The following ARHGAP25 variants were observed in gnomAD, a reference collection of about 807,000 sequenced individuals.
ARHGAP25 encodes rho GTPase-activating protein 25.
ARHGAP25 carries 34 observed loss-of-function variants against 71.0 expected under a neutral mutation model. The ratio of observed to expected loss-of-function variants is 0.48; its 90% CI spans 0.36 to 0.64. ARHGAP25 has a LOEUF of 0.64. ARHGAP25 is among the 30% of genes least tolerant of loss of function. The probability of loss-of-function intolerance (pLI) is 0.00; values close to 1 mark genes in which losing one functional copy is unlikely to be tolerated. For missense variants in ARHGAP25, 706 were observed against 805.1 expected, an observed-to-expected ratio of 0.88 and a Z score of 1.49; for synonymous variants, 282 against 296.5, an observed-to-expected ratio of 0.95 and a Z score of 0.50.
In ARHGAP25 at chr2:68,826,027, A is replaced by G. The variant is rs756040483; in HGVS notation, c.1774A>G (p.Arg592Gly). ...TTATGACGTTTGGGCTAAAGTGGTG[A>G]GGCTCAATGAAGAACTGGAGAAGGA... ...ENYDVWAKVV[R>G]LNEELEKEKK... Residue 592 changes from arginine to glycine, a missense_variant, in exon 11 of 11, where the codon AGG (arginine) becomes GGG (glycine). By Grantham distance (125) the Arg-to-Gly change is moderately radical (BLOSUM62 -2). Transcript: ENST00000409202. 2.5e-6 allele frequency: 4 copies of G among 1,613,966 alleles called. No homozygotes were observed. Among genetic ancestry groups the G allele is most frequent in the Non-Finnish European group, 3.4e-6 (4 of 1,180,014 alleles).
intron 4 of ARHGAP25, 64 bp from the exon 5 acceptor site, chr2:68,807,209 T>C (rs1206153278): frequency 1.3e-6 from 2 of 1,554,224 alleles, no homozygotes; most frequent in African/African-American, 2.7e-5. Context: ...ACACAGAAAG[T>C]CAAGAAATAG....
At chr2:68,720,106 GTTC>G (rs1674721677) in intron 2 of ARHGAP25, among the ~76,000 whole-genome samples, 2 of 152,046 alleles carry the variant, frequency 1.3e-5, no homozygotes, top group Non-Finnish European at 2.9e-5. Flanking sequence ...ACTGATCAGG[GTTC>G]TTTTCTAGAA....
chr2:68,751,735 T>A lies in ARHGAP25; in HGVS notation c.61+16475T>A, dbSNP rs1358948685. On this transcript the variant is annotated intron_variant, in intron 1 of 10. Coordinates refer to ENST00000409202, the MANE Select transcript of ARHGAP25 (RefSeq NM_001007231.3). ...CAAAGGTTAAAACCATTGCTTTATGTTTCCAAGTACAGAAAATCTCCTCAT... is the reference window on the plus strand; with the variant it reads ...CAAAGGTTAAAACCATTGCTTTATGATTCCAAGTACAGAAAATCTCCTCAT... Among the ~76,000 whole-genome samples, 3 of 152,240 alleles carry A rather than the reference T, an allele frequency of 2.0e-5. 1 individual carries two copies. The highest frequency in any genetic ancestry group is 2.0e-4 in the Admixed American group (3 of 15,290).
intron 4 of ARHGAP25, among the ~76,000 whole-genome samples, chr2:68,788,313 G>A (rs1233721938): frequency 6.6e-6 from 1 of 152,194 alleles, no homozygotes; most frequent in African/African-American, 2.4e-5. Flanking sequence ...AGCTGACCCC[G>A]GGTACCCAGC....
intron 4 of ARHGAP25, among the ~76,000 whole-genome samples, chr2:68,803,987 T>C (rs989977855): frequency 6.6e-6 from 1 of 152,038 alleles, no homozygotes; most frequent in African/African-American, 2.4e-5. Flanking sequence ...AGTGGCCTGA[T>C]GAAGACACGC....
chr2:68,782,366 T>A, intron 3 of ARHGAP25, 46 bp downstream of exon 3: 1 of 1,550,592 alleles, frequency 6.4e-7, no homozygotes, highest in Non-Finnish European at 8.9e-7. Flanking sequence ...GAAGTAAAAT[T>A]CCCATTTTAC....
intron 1 of ARHGAP25, among the ~76,000 whole-genome samples, chr2:68,746,714 C>CCCA (rs1326152962): frequency 1.3e-5 from 2 of 151,314 alleles, no homozygotes; most frequent in Admixed American, 1.3e-4. Flanking sequence ...CCCCCCTCCC[C>CCCA]ATCCCCACAG....
At chr2:68,794,000 A>G (rs1448390124) in intron 4 of ARHGAP25, among the ~76,000 whole-genome samples, 1 of 152,084 alleles carries the variant, frequency 6.6e-6, no homozygotes. Context: ...TTGGTTAAAT[A>G]TATTCCTAGG....
chr2:68,725,906 C>T (rs1674871452), intron 2 of ARHGAP25, among the ~76,000 whole-genome samples: 1 of 152,144 alleles, frequency 6.6e-6, no homozygotes, highest in African/African-American at 2.4e-5. Flanking sequence ...GTTTACCTGG[C>T]TCATTCTCAA....
At position 68,822,815 on chromosome 2, in the gene ARHGAP25, A is replaced by G. The variant is rs1681807696; in HGVS notation, c.1676A>G (p.Gln559Arg). 1.2e-6 allele frequency: 2 copies of G among 1,613,864 alleles called. No individual in the cohort carries two copies. Among genetic ancestry groups the G allele is most frequent in the South Asian group, 2.2e-5 (2 of 91,068 alleles). The change falls in exon 10 of 11, where the codon CAA becomes CGA. Residue 559 changes from glutamine (Q) to arginine (R), a missense_variant. Transcript: ENST00000409202. ...ATTGATTCTTTGCAGAGGATGGTCC[A>G]AGAGCTACGAAAGGAAATAGAAACA... ...EEIDSLQRMV[Q>R]ELRKEIETQK...
At chr2:68,783,040 C>A (rs766337191) in intron 3 of ARHGAP25, among the ~76,000 whole-genome samples, 1 of 152,186 alleles carries the variant, frequency 6.6e-6, no homozygotes, top group East Asian at 1.9e-4. Context: ...GCCACATGGC[C>A]CCTGAGTGCC....
intron 2 of ARHGAP25, among the ~76,000 whole-genome samples, chr2:68,725,784 T>G (rs1674869101): frequency 1.3e-5 from 2 of 152,186 alleles, no homozygotes; most frequent in South Asian, 4.1e-4. Flanking sequence ...CTTCCTCCTT[T>G]TGCTGTGAAC....
chr2:68,770,486 AG>A (rs1344871943), intron 1 of ARHGAP25, among the ~76,000 whole-genome samples: 1 of 152,202 alleles, frequency 6.6e-6, no homozygotes, highest in Non-Finnish European at 1.5e-5. Flanking sequence ...CAGAATTGAG[AG>A]CAGATTATTT....
At chr2:68,729,212 C>T (rs1320034471) in intron 2 of ARHGAP25, among the ~76,000 whole-genome samples, 1 of 152,160 alleles carries the variant, frequency 6.6e-6, no homozygotes, top group Non-Finnish European at 1.5e-5. Flanking sequence ...TACTAGATCA[C>T]TGAATTGTAC....
chr2:68,801,492 A>G (rs1382934123), intron 4 of ARHGAP25, among the ~76,000 whole-genome samples: 2 of 152,254 alleles, frequency 1.3e-5, no homozygotes, highest in African/African-American at 4.8e-5. Flanking sequence ...CTGATAGAGT[A>G]GTTAAGATGA....
At chr2:68,730,793 C>T (rs1675003661), upstream of ARHGAP25, among the ~76,000 whole-genome samples, 1 of 152,168 alleles carries the variant, frequency 6.6e-6, no homozygotes, top group Non-Finnish European at 1.5e-5. Context: ...CTGATACTTC[C>T]CTAAATGGGG....
rs189414706 is a variant in ARHGAP25, at chr2:68,815,496, G to T, written c.808-793G>T. ...GATGGAGTTTGGCTCTTTCGCCCAGGCTGGAGTGCAGTGGCGCGATCTCAG... is the reference window on the plus strand; with the variant it reads ...GATGGAGTTTGGCTCTTTCGCCCAGTCTGGAGTGCAGTGGCGCGATCTCAG... On this transcript the variant is annotated intron_variant, in intron 6 of 10. Coordinates refer to ENST00000409202, the MANE Select transcript of ARHGAP25 (RefSeq NM_001007231.3). Among the ~76,000 whole-genome samples the T allele has an allele frequency of 1.7e-3, 221 of 126,810 alleles. 2 individuals are homozygous for T. Among genetic ancestry groups the T allele is most frequent in the African/African-American group, 6.1e-3 (204 of 33,586 alleles). 83.2% of individuals were successfully genotyped at this position (126,810 alleles called of 152,430 possible).
chr2:68,818,161 C>A lies in ARHGAP25; in HGVS notation c.1003+167C>A, dbSNP rs1254434024. On this transcript the variant is annotated intron_variant, in intron 8 of 10. Transcript: ENST00000409202. The stretch of plus-strand genomic sequence containing the variant: ...GAGGTAGGCAGGGCAGGAATTGTGT[C>A]CATTTTTCAGATCACAACAAAGGAC... 2.0e-5 allele frequency among the ~76,000 whole-genome samples: 3 copies of A among 152,160 alleles called. No individual in the cohort carries two copies. The South Asian group carries it at 6.2e-4, about 32-fold the overall frequency.
At chr2:68,775,065 G>T (rs1677776334) in intron 1 of ARHGAP25, 156 bp from the exon 2 acceptor site, 4 of 1,533,230 alleles carry the variant, frequency 2.6e-6, no homozygotes, top group Admixed American at 1.9e-5. Flanking sequence ...GGCTCGGGGG[G>T]GACTTTCTCT....
Sources: allele counts gnomAD v4.1 joint callset (sites outside exome capture counted in the v4.1 genomes callset), GRCh38; gene constraint gnomAD v4.1.1; transcripts MANE v1.5; gene names NCBI Gene and HGNC (gene_info 2026-07-23, HGNC 2026-07-21).